The following ARHGEF6 variants were observed in gnomAD, a reference collection of about 807,000 sequenced individuals.
ARHGEF6 encodes the protein Rac/Cdc42 guanine nucleotide exchange factor 6, also known as rho guanine nucleotide exchange factor 6.
In ARHGEF6, 9 loss-of-function variants were observed where a neutral mutation model predicts 70.3. The ratio of observed to expected loss-of-function variants is 0.13; its 90% CI spans 0.08 to 0.22. The LOEUF is 0.22. Ranked by LOEUF, ARHGEF6 falls within the 10% of genes least tolerant of loss-of-function variation. ARHGEF6 has a pLI of 1.00. For missense variants in ARHGEF6, 470 were observed against 563.0 expected, an observed-to-expected ratio of 0.83 and a Z score of 1.67; for synonymous variants, 201 against 207.8, an observed-to-expected ratio of 0.97 and a Z score of 0.28.
chrX:136,691,834 C>T (rs750229701), intron 9 of ARHGEF6, among the ~76,000 whole-genome samples: 1 of 111,651 alleles, frequency 9.0e-6, no homozygotes, highest in Non-Finnish European at 1.9e-5. Context: ...TGAGTGCCTA[C>T]AAGATCAAGT....
chrX:136,713,545 T>A (rs774694388), intron 6 of ARHGEF6, among the ~76,000 whole-genome samples, 175 bp from the exon 7 acceptor site: 4 of 112,608 alleles, frequency 3.6e-5, no homozygotes, highest in Admixed American at 9.4e-5. Context: ...CAAACTACTT[T>A]AATTATTGCA....
At chrX:136,678,267 G>C (rs2076299642) in intron 16 of ARHGEF6, among the ~76,000 whole-genome samples, 1 of 111,882 alleles carries the variant, frequency 8.9e-6, no homozygotes, top group Non-Finnish European at 1.9e-5. Flanking sequence ...AGTTTTAATA[G>C]ATTAGTTTTG....
intron 9 of ARHGEF6, among the ~76,000 whole-genome samples, chrX:136,694,213 C>T (rs748697938): frequency 5.6e-4 from 62 of 111,142 alleles, no homozygotes; most frequent in African/African-American, 1.8e-3. Context: ...CCACCACATC[C>T]GGCTAATTTT....
intron 9 of ARHGEF6, among the ~76,000 whole-genome samples, chrX:136,693,876 A>G (rs761999517): frequency 1.8e-5 from 2 of 111,123 alleles, no homozygotes; most frequent in Non-Finnish European, 3.8e-5. Flanking sequence ...GGGGGAAATC[A>G]CTGTGGTCCA....
intron 5 of ARHGEF6, among the ~76,000 whole-genome samples, chrX:136,739,626 G>A (rs923733873): frequency 8.9e-5 from 10 of 112,279 alleles, no homozygotes; most frequent in East Asian, 2.8e-4. Flanking sequence ...TATGTTAGAC[G>A]GGGAAAAATA....
intron 6 of ARHGEF6, among the ~76,000 whole-genome samples, chrX:136,728,399 T>C (rs765698243): frequency 9.1e-6 from 1 of 110,413 alleles, no homozygotes; most frequent in African/African-American, 3.3e-5. Context: ...CATTTCAAAA[T>C]TGACATGACA....
At chrX:136,686,619 TATACACATATATATATATATATAC>T (rs1569393803) in intron 11 of ARHGEF6, among the ~76,000 whole-genome samples, 928 of 72,966 alleles carry the variant, frequency 0.013, 31 homozygotes, top group African/African-American at 0.062. Context: ...TATATATATA[TATACACATATATATATATATATAC>T]ACACATATAT....
chrX:136,771,630 G>A (rs887619985), intron 2 of ARHGEF6, among the ~76,000 whole-genome samples: 2 of 112,154 alleles, frequency 1.8e-5, no homozygotes, highest in Non-Finnish European at 3.8e-5. Context: ...ATTATTCTTA[G>A]GAGAAAACAG....
intron 10 of ARHGEF6, among the ~76,000 whole-genome samples, chrX:136,689,195 C>A (rs2076434635): frequency 8.9e-6 from 1 of 112,313 alleles, no homozygotes; most frequent in African/African-American, 3.2e-5. Flanking sequence ...GCAGCCATGC[C>A]AAATGCTCTG....
chrX:136,685,103 G>T lies in ARHGEF6; in HGVS notation c.1392+574C>A, dbSNP rs187105628. ...TGCTTCTTTTGCTCCCTACAGGCTG[G>T]TTTCCTTACTGTGCTGCAGCAAACC... is the stretch of plus-strand genomic sequence containing the variant. On this transcript the variant is annotated intron_variant, in intron 12 of 21. Transcript: ENST00000250617. Among the ~76,000 whole-genome samples the T allele has an allele frequency of 4.8e-3, 533 of 111,282 alleles. 2 individuals are homozygous for T. The highest frequency in any genetic ancestry group is 0.017 in the African/African-American group (511 of 30,564).
chrX:136,749,234 C>A (rs1305638527), intron 2 of ARHGEF6, among the ~76,000 whole-genome samples: 1 of 111,789 alleles, frequency 8.9e-6, no homozygotes, highest in Admixed American at 9.5e-5. Context: ...AGGCAATAGA[C>A]TAGAGAGAGT....
intron 2 of ARHGEF6, among the ~76,000 whole-genome samples, chrX:136,770,702 A>T (rs908524680): frequency 9.6e-4 from 109 of 113,062 alleles, no homozygotes; most frequent in Non-Finnish European, 2.6e-4. Context: ...GATGAATATT[A>T]AAAAATCAAT....
In ARHGEF6 at chrX:136,688,057, G is replaced by A. The variant is rs188599315; in HGVS notation, c.1186-66C>T. The A allele has an allele frequency of 1.0e-3, 928 of 886,738 alleles. 1 individual carries two copies. Among genetic ancestry groups the A allele is most frequent in the Non-Finnish European group, 1.3e-3 (779 of 600,956 alleles). The allele number at this position is 886,738 out of a possible 1,213,427, so 73.1% of individuals were successfully genotyped here. A position where few individuals can be genotyped will look rare whatever the true frequency, so the allele number is the denominator to read the frequency against. On this transcript the variant is annotated intron_variant, in intron 10 of 21. Coordinates refer to ENST00000250617, the MANE Select transcript of ARHGEF6 (RefSeq NM_004840.3). ...AGGATCAGCAGTTGCCAAGGGTTAG[G>A]GGTAGAAAGAGAGTATGGCCACAAA...
At chrX:136,763,780 G>A (rs1196294993) in intron 2 of ARHGEF6, among the ~76,000 whole-genome samples, 1 of 111,451 alleles carries the variant, frequency 9.0e-6, no homozygotes, top group Non-Finnish European at 1.9e-5. Flanking sequence ...AGCAGAGATC[G>A]CACCACTGCA....
rs2077108843 is a variant in ARHGEF6, at chrX:136,747,682, CGGA to C, written c.250-93_250-91del. 196 of 191,443 alleles carry C rather than the reference CGGA, an allele frequency of 1.0e-3. 1 individual carries two copies. Among genetic ancestry groups the C allele is most frequent in the Middle Eastern group, 1.6e-3 (1 of 644 alleles). 15.8% of individuals were successfully genotyped at this position (191,443 alleles called of 1,213,427 possible). ...CAAAAGGCCACTTCCTCCAGCTCTC[CGGA>C]AAAAAAAAAAAAAAAAAAAAGTGTA... On this transcript the variant is annotated intron_variant, in intron 2 of 21. Transcript: ENST00000250617.
In ARHGEF6 at chrX:136,691,943, C is replaced by T. The variant is rs140518206; in HGVS notation, c.1047-1195G>A. ...TGACCTACTTATTCTCCCTAGAACA[C>T]GTCTTATGCCATGGTTCCCAACTGT... On this transcript the variant is annotated intron_variant, in intron 9 of 21. Coordinates refer to ENST00000250617, the MANE Select transcript of ARHGEF6 (RefSeq NM_004840.3). 4.5e-3 allele frequency among the ~76,000 whole-genome samples: 500 copies of T among 111,912 alleles called. 2 individuals are homozygous for T. The highest frequency in any genetic ancestry group is 0.014 in the African/African-American group (442 of 30,772).
At chrX:136,672,265 C>T (rs1713345526) in intron 19 of ARHGEF6, 146 bp from the exon 20 acceptor site, 1 of 501,884 alleles carries the variant, frequency 2.0e-6, no homozygotes, top group African/African-American at 2.4e-5. Flanking sequence ...GACAGTCACC[C>T]ATCATTTGCT....
intron 9 of ARHGEF6, among the ~76,000 whole-genome samples, chrX:136,703,915 A>G (rs2076601607): frequency 8.9e-6 from 1 of 112,769 alleles, no homozygotes; most frequent in African/African-American, 3.2e-5. Flanking sequence ...TGTAAATATA[A>G]CTTTTGTATT....
chrX:136,744,907 G>A (rs1442528854), intron 4 of ARHGEF6, among the ~76,000 whole-genome samples: 1 of 112,165 alleles, frequency 8.9e-6, no homozygotes, highest in African/African-American at 3.2e-5. Context: ...TAAAACAAGG[G>A]ATAGGGAAAT....
Sources: gnomAD v4.1 joint callset for allele counts (sites outside exome capture counted in the v4.1 genomes callset) on GRCh38, gnomAD v4.1.1 for gene constraint, MANE v1.5 for transcripts, NCBI Gene and HGNC (gene_info 2026-07-23, HGNC 2026-07-21) for gene names.